PRKN: variants seen among roughly 807,000 people sequenced by gnomAD.
PRKN encodes E3 ubiquitin-protein ligase parkin.
In PRKN, 56 loss-of-function variants were observed where a neutral mutation model predicts 59.5. That is an observed-to-expected ratio of 0.94 (90% CI 0.76 to 1.18). The LOEUF is 1.18. Among genes scored for constraint, PRKN ranks in the 50% most tolerant of loss-of-function variants. The pLI, the probability that PRKN is intolerant of heterozygous loss-of-function variation, is 0.00. For missense variants in PRKN, 657 were observed against 596.4 expected, an observed-to-expected ratio of 1.10 and a Z score of -1.06; for synonymous variants, 250 against 222.1, an observed-to-expected ratio of 1.13 and a Z score of -1.12.
intron 2 of PRKN, among the ~76,000 whole-genome samples, chr6:162,415,278 C>CT (rs1562747495): frequency 2.0e-5 from 3 of 152,140 alleles, no homozygotes; most frequent in African/African-American, 2.4e-5. Context: ...TGTCACACCA[C>CT]TTTGTTTAAA....
intron 5 of PRKN, among the ~76,000 whole-genome samples, chr6:162,019,929 G>A (rs1294581682): frequency 1.3e-5 from 2 of 152,046 alleles, no homozygotes; most frequent in African/African-American, 2.4e-5. Flanking sequence ...TGGGGCAGGA[G>A]AATTGCTTGA....
intron 1 of PRKN, among the ~76,000 whole-genome samples, chr6:162,640,165 A>G (rs994303155): frequency 6.6e-5 from 10 of 151,924 alleles, no homozygotes; most frequent in Non-Finnish European, 1.2e-4. Context: ...TTCTTGGGAG[A>G]CTCTGTAGGC....
chr6:162,208,771 G>C (rs567113215), intron 3 of PRKN, among the ~76,000 whole-genome samples: 42 of 152,236 alleles, frequency 2.8e-4, no homozygotes, highest in African/African-American at 9.9e-4. Flanking sequence ...TATAAATGTA[G>C]ATGGAAGAAA....
At position 161,361,560 on chromosome 6, in the gene PRKN, A is replaced by C. The variant is rs1454692415; in HGVS notation, c.1168-1355T>G. ...ACTTTCAGGGGTTACCAAACATCCAAAATAGGACCCCGTGAAATGGGCAGG... is the reference window on the plus strand; with the variant it reads ...ACTTTCAGGGGTTACCAAACATCCACAATAGGACCCCGTGAAATGGGCAGG... On this transcript the variant is annotated intron_variant, in intron 10 of 11. Coordinates refer to ENST00000366898, the MANE Select transcript of PRKN (RefSeq NM_004562.3). The surrounding 1 kb of genome is among the most constrained non-coding windows in gnomAD (Gnocchi z 5.2). Among the ~76,000 whole-genome samples, 1 of 152,174 alleles carries C rather than the reference A, an allele frequency of 6.6e-6. No homozygotes were observed. The highest frequency in any genetic ancestry group is 1.5e-5 in the Non-Finnish European group (1 of 68,030).
intron 1 of PRKN, among the ~76,000 whole-genome samples, chr6:162,698,102 A>C (rs2128236269): frequency 6.6e-6 from 1 of 152,344 alleles, no homozygotes; most frequent in Non-Finnish European, 1.5e-5. Context: ...CAAAGGATGG[A>C]TCTCCTCCTG....
intron 2 of PRKN, among the ~76,000 whole-genome samples, chr6:162,399,454 G>A (rs10455905): frequency 0.19 from 28,297 of 152,046 alleles, 3,151 homozygotes; most frequent in Non-Finnish European, 0.23. Context: ...GTGGACTACT[G>A]CTCTACGCCC....
chr6:161,744,727 TTC>T (rs1418608000), intron 7 of PRKN, among the ~76,000 whole-genome samples: 2 of 152,156 alleles, frequency 1.3e-5, no homozygotes, highest in African/African-American at 4.8e-5. Context: ...GGCAGGCCTG[TTC>T]CATTAACGTT....
chr6:162,185,294 C>A (rs997963618), intron 4 of PRKN, among the ~76,000 whole-genome samples: 4 of 152,188 alleles, frequency 2.6e-5, no homozygotes, highest in African/African-American at 9.6e-5. Context: ...TTTTTCCCCC[C>A]ACTAAATGAT....
At chr6:162,409,978 GA>G (rs943390348) in intron 2 of PRKN, among the ~76,000 whole-genome samples, 1 of 152,122 alleles carries the variant, frequency 6.6e-6, no homozygotes, top group Non-Finnish European at 1.5e-5. Context: ...TTCCACCAGT[GA>G]AAAAAGTTTT....
At chr6:162,264,936 C>A (rs1243698042) in intron 2 of PRKN, among the ~76,000 whole-genome samples, 1 of 150,906 alleles carries the variant, frequency 6.6e-6, no homozygotes, top group East Asian at 1.9e-4. Flanking sequence ...CCCTTCACAT[C>A]TTCAACTCTT....
intron 9 of PRKN, among the ~76,000 whole-genome samples, chr6:161,472,402 G>A (rs552472623): frequency 1.2e-4 from 18 of 152,074 alleles, no homozygotes; most frequent in Non-Finnish European, 1.9e-4. Flanking sequence ...AGACACAATG[G>A]TATCTGGATA....
At chr6:162,143,723 G>T (rs773119321) in intron 4 of PRKN, among the ~76,000 whole-genome samples, 5 of 152,186 alleles carry the variant, frequency 3.3e-5, no homozygotes, top group Non-Finnish European at 7.3e-5. Context: ...TAATGAGATT[G>T]CCCAGGAGAA....
At chr6:161,821,176 C>G (rs1450987240) in intron 6 of PRKN, among the ~76,000 whole-genome samples, 1 of 151,948 alleles carries the variant, frequency 6.6e-6, no homozygotes, top group African/African-American at 2.4e-5. Flanking sequence ...CCCCCAATTA[C>G]CAAAAACCCC....
intron 1 of PRKN, among the ~76,000 whole-genome samples, chr6:162,637,436 A>G (rs1777769220): frequency 6.6e-6 from 1 of 152,110 alleles, no homozygotes; most frequent in Admixed American, 6.5e-5. Context: ...CTAAAATTCT[A>G]AACAGTAGGG....
Position 161,678,725 on chromosome 6 carries a change from T to C in PRKN, c.871+107047A>G, listed in dbSNP as rs1015635936. 4.6e-5 allele frequency among the ~76,000 whole-genome samples: 7 copies of C among 152,088 alleles called. No homozygotes were observed. The East Asian group carries it at 7.8e-4, about 17-fold the overall frequency. On this transcript the variant is annotated intron_variant, in intron 7 of 11. Transcript: ENST00000366898. ...GGTTACAGGTGTGCACCACCATGCCTGGCTAATTTTTTTGTATTTTTAATA... is the reference window on the plus strand; with the variant it reads ...GGTTACAGGTGTGCACCACCATGCCCGGCTAATTTTTTTGTATTTTTAATA...
intron 1 of PRKN, among the ~76,000 whole-genome samples, chr6:162,694,381 G>T (rs1298680043): frequency 6.6e-6 from 1 of 152,168 alleles, no homozygotes; most frequent in African/African-American, 2.4e-5. Context: ...CCAGCAGAAT[G>T]CGAGGCCTTC....
intron 4 of PRKN, among the ~76,000 whole-genome samples, chr6:162,197,764 G>A (rs1441843034): frequency 6.6e-6 from 1 of 152,164 alleles, no homozygotes; most frequent in Non-Finnish European, 1.5e-5. Context: ...CATCATAATT[G>A]CTATGCTTCA....
chr6:162,443,550 C>G, intron 1 of PRKN, 77 bp from the exon 2 acceptor site: 1 of 1,357,026 alleles, frequency 7.4e-7, no homozygotes, highest in Non-Finnish European at 1.1e-6. Flanking sequence ...CAACATTTCT[C>G]AACCGATTTA....
intron 2 of PRKN, among the ~76,000 whole-genome samples, chr6:162,344,945 A>G (rs1240887056): frequency 6.6e-6 from 1 of 152,222 alleles, no homozygotes; most frequent in Admixed American, 6.5e-5. Context: ...TCAGTCCTGT[A>G]TACTGTATAA....
Sources: allele counts gnomAD v4.1 joint callset (sites outside exome capture counted in the v4.1 genomes callset), GRCh38; gene constraint gnomAD v4.1.1; non-coding constraint Gnocchi (gnomAD v3.1); transcripts MANE v1.5; gene names NCBI Gene and HGNC (gene_info 2026-07-23, HGNC 2026-07-21).